Variants in PCDHGA2 observed in about 807,000 individuals in gnomAD.
The protein encoded by PCDHGA2 is protocadherin gamma subfamily A, 2.
PCDHGA2 carries 40 observed loss-of-function variants against 59.2 expected under a neutral mutation model. The observed-to-expected ratio is 0.68, with a 90% confidence interval of 0.52 to 0.88. The LOEUF is 0.88. Ranked by LOEUF, PCDHGA2 falls within the 40% of genes least tolerant of loss-of-function variation. PCDHGA2 has a pLI of 0.00. For synonymous variants in PCDHGA2, 560 were observed against 526.0 expected, an observed-to-expected ratio of 1.06 and a Z score of -0.89; for missense variants, 1,226 against 1,204.0, an observed-to-expected ratio of 1.02 and a Z score of -0.27.
At chr5:141,345,217 A>G in intron 1 of PCDHGA2, 1 of 1,613,966 alleles carries the variant, frequency 6.2e-7, no homozygotes, top group Non-Finnish European at 8.5e-7. Context: ...TTTAAGTTAG[A>G]AAAATCAATA....
At chr5:141,403,655 A>T (rs1262068795) in intron 1 of PCDHGA2, 6 of 1,613,798 alleles carry the variant, frequency 3.7e-6, no homozygotes, top group Non-Finnish European at 4.2e-6. Context: ...AGTGTTGGAT[A>T]CAAATGATAA....
intron 1 of PCDHGA2, among the ~76,000 whole-genome samples, chr5:141,444,152 ATTTTTTTTTTTT>A (rs747671382): frequency 5.9e-4 from 20 of 33,896 alleles, no homozygotes; most frequent in African/African-American, 1.8e-3. Flanking sequence ...TGTGTACTGG[ATTTTTTTTTTTT>A]TTTTTTTTTT....
At chr5:141,415,477 C>T in intron 1 of PCDHGA2, 1 of 1,614,184 alleles carries the variant, frequency 6.2e-7, no homozygotes, top group Non-Finnish European at 8.5e-7. Flanking sequence ...CGCGGACTCG[C>T]GAAAGAGTCA....
Position 141,493,836 on chromosome 5 carries a change from A to G in PCDHGA2, c.2425-971A>G, listed in dbSNP as rs1411929024. Among the ~76,000 whole-genome samples the G allele has an allele frequency of 6.6e-6, 1 of 152,194 alleles. No individual in the cohort carries two copies. Among genetic ancestry groups the G allele is most frequent in the Non-Finnish European group, 1.5e-5 (1 of 68,038 alleles). On this transcript the variant is annotated intron_variant, in intron 1 of 3. Transcript: ENST00000394576. This position sits in a 1 kb window ranked among gnomAD's most constrained non-coding sequence, Gnocchi z 4.3. ...ACACTCTCTGCTTCTGGGAGCAAGT[A>G]TGAGTATTAATTACCAGCCCACCCC...
At chr5:141,409,402 C>G (rs2095262140) in intron 1 of PCDHGA2, 2 of 1,613,924 alleles carry the variant, frequency 1.2e-6, no homozygotes, top group Non-Finnish European at 8.5e-7. Context: ...CTTCCAATAA[C>G]TACTACAAAC....
At chr5:141,378,822 T>C (rs181427236) in intron 1 of PCDHGA2, 13 of 152,360 alleles carry the variant, frequency 8.5e-5, no homozygotes, top group Non-Finnish European at 1.6e-4. Flanking sequence ...CATTGTTTCA[T>C]GAACAGAAAA....
At position 141,339,767 on chromosome 5, in the gene PCDHGA2, G is replaced by C. The variant is rs1249313668; in HGVS notation, c.796G>C (p.Ala266Pro). 3.7e-6 allele frequency: 6 copies of C among 1,614,022 alleles called. No homozygotes were observed. The Admixed American group carries it at 1.0e-4, about 27-fold the overall frequency. Reference sequence around the variant, plus strand: ...GGGCACCCGGATACTCACGGTGACCGCCACTGACGCAGATGAGGGCTACTA... The same window carrying C: ...GGGCACCCGGATACTCACGGTGACCCCCACTGACGCAGATGAGGGCTACTA... The part of the protein sequence containing the change: ...LVGTRILTVT[A>P]TDADEGYYAQ... Residue 266 changes from alanine to proline, a missense_variant, in exon 1 of 4, where the codon GCC becomes CCC. Ala to Pro is a conservative substitution (Grantham distance 27, BLOSUM62 -1). Transcript: ENST00000394576.
At position 141,340,573 on chromosome 5, in the gene PCDHGA2, G is replaced by A. The variant is rs146024512; in HGVS notation, c.1602G>A (p.Ala534=). ...QLRDLQVWVI[A]RDSGNPPLSS... ...GAGACTTGCAAGTGTGGGTGATAGC[G>A]CGGGACAGCGGGAACCCTCCACTCA... Residue 534 remains alanine, a synonymous_variant, in exon 1 of 4, where the codon GCG becomes GCA. Transcript: ENST00000394576. 1.5e-4 allele frequency: 238 copies of A among 1,614,098 alleles called. No individual in the cohort carries two copies. The highest frequency in any genetic ancestry group is 2.0e-4 in the Non-Finnish European group (232 of 1,180,052).
chr5:141,378,222 A>G (rs574464825), intron 1 of PCDHGA2: 1 of 152,350 alleles, frequency 6.6e-6, no homozygotes, highest in South Asian at 2.1e-4. Flanking sequence ...TGTGTGCCTG[A>G]TAGTATTTAA....
At position 141,344,625 on chromosome 5, in the gene PCDHGA2, C is replaced by G. The variant is rs746729408; in HGVS notation, c.2424+3230C>G. On this transcript the variant is annotated intron_variant, in intron 1 of 3. Transcript: ENST00000394576. The stretch of plus-strand genomic sequence containing the variant: ...CAAGTATCCAGAGCTGGTGCTGGAG[C>G]GGGCCCTGGACCGTGAGAAAAAAGA... 30 of 1,613,816 alleles carry G rather than the reference C, an allele frequency of 1.9e-5. No individual in the cohort carries two copies. The highest frequency in any genetic ancestry group is 2.5e-5 in the Non-Finnish European group (30 of 1,179,882).
intron 1 of PCDHGA2, chr5:141,372,574 T>C: frequency 1.2e-6 from 2 of 1,614,012 alleles, no homozygotes; most frequent in South Asian, 1.1e-5. Flanking sequence ...GAGGGCTACT[T>C]TCAGCCTGGT....
In PCDHGA2 at chr5:141,477,428, T is replaced by C; in HGVS notation, c.2425-17379T>C. On this transcript the variant is annotated intron_variant, in intron 1 of 3. Transcript: ENST00000394576. The surrounding 1 kb of genome is among the most constrained non-coding windows in gnomAD (Gnocchi z 4.9). ...CCGAGACGCCGGAACCCCTTCCCTC[T>C]CAGCCCTTACAATAGTGCGTGTTCA... The C allele has an allele frequency of 6.2e-7, 1 of 1,614,142 alleles. No individual in the cohort carries two copies. Among genetic ancestry groups the C allele is most frequent in the Non-Finnish European group, 8.5e-7 (1 of 1,180,036 alleles).
chr5:141,362,154 A>G, intron 1 of PCDHGA2: 1 of 1,614,030 alleles, frequency 6.2e-7, no homozygotes, highest in Non-Finnish European at 8.5e-7. Flanking sequence ...AGGTATTGCC[A>G]GACCTCAGCG....
chr5:141,408,676 G>A (rs1315766272), intron 1 of PCDHGA2: 2 of 1,613,652 alleles, frequency 1.2e-6, no homozygotes, highest in Non-Finnish European at 1.7e-6. Flanking sequence ...ACCCTGCCAC[G>A]GATCCTGATA....
Position 141,487,506 on chromosome 5 carries a change from C to T in PCDHGA2, c.2425-7301C>T. 1 of 1,614,220 alleles carries T rather than the reference C, an allele frequency of 6.2e-7. No homozygotes were observed. The highest frequency in any genetic ancestry group is 8.5e-7 in the Non-Finnish European group (1 of 1,180,046). On this transcript the variant is annotated intron_variant, in intron 1 of 3. Coordinates refer to ENST00000394576, the MANE Select transcript of PCDHGA2 (RefSeq NM_018915.4). The surrounding 1 kb of genome is among the most constrained non-coding windows in gnomAD (Gnocchi z 5.0). ...CATGGCTGTACACCCTTGGCTTCTG[C>T]ACCCACTCGGAGTGATAGCTTCATG...
At chr5:141,389,843 G>T (rs372102656) in intron 1 of PCDHGA2, 3 of 1,614,016 alleles carry the variant, frequency 1.9e-6, no homozygotes, top group Non-Finnish European at 2.5e-6. Context: ...CACCACTCTC[G>T]GCCACTGCCA....
chr5:141,474,486 C>G (rs531956129), intron 1 of PCDHGA2, among the ~76,000 whole-genome samples: 11 of 152,326 alleles, frequency 7.2e-5, no homozygotes, highest in African/African-American at 2.4e-4. Context: ...TAAATGTATT[C>G]TATCTTCTAA....
intron 1 of PCDHGA2, chr5:141,355,229 A>T (rs1759766988): frequency 6.2e-7 from 1 of 1,611,188 alleles, no homozygotes. Context: ...CGCCCAGACC[A>T]CACCCGGCTG....
chr5:141,356,312 T>A (rs956800097), intron 1 of PCDHGA2: 4 of 1,554,200 alleles, frequency 2.6e-6, no homozygotes, highest in Middle Eastern at 1.7e-4. Flanking sequence ...CTTTTCAACG[T>A]GCATGACAGT....
Sources: allele counts gnomAD v4.1 joint callset (sites outside exome capture counted in the v4.1 genomes callset), GRCh38; gene constraint gnomAD v4.1.1; non-coding constraint Gnocchi (gnomAD v3.1); transcripts MANE v1.5; gene names NCBI Gene and HGNC (gene_info 2026-07-23, HGNC 2026-07-21).